Variants in GALNT7 observed in about 807,000 individuals in gnomAD.
GALNT7 encodes the protein N-acetylgalactosaminyltransferase 7.
Under a neutral mutation model 82.1 loss-of-function variants are expected in GALNT7, and 60 were observed. That is an observed-to-expected ratio of 0.73 (90% CI 0.59 to 0.91). The LOEUF is 0.91. Among genes scored for constraint, GALNT7 ranks in the 40% least tolerant of loss-of-function variants. GALNT7 has a pLI of 0.00. For synonymous variants in GALNT7, 243 were observed against 275.1 expected, an observed-to-expected ratio of 0.88 and a Z score of 1.15; for missense variants, 660 against 804.2, an observed-to-expected ratio of 0.82 and a Z score of 2.17.
At chr4:173,265,635 A>G (rs974131498) in intron 2 of GALNT7, among the ~76,000 whole-genome samples, 6 of 55,108 alleles carry the variant, frequency 1.1e-4, no homozygotes, top group Non-Finnish European at 2.2e-4. Flanking sequence ...CTGTCTCTCC[A>G]CCCCCAAGAC....
chr4:173,314,193 C>G lies in GALNT7; in HGVS notation c.1608+17C>G. The G allele has an allele frequency of 6.9e-7, 1 of 1,453,438 alleles. No homozygotes were observed. Among genetic ancestry groups the G allele is most frequent in the South Asian group, 1.1e-5 (1 of 87,866 alleles). The allele number at this position is 1,453,438 out of a possible 1,614,324, so 90.0% of individuals were successfully genotyped here. On this transcript the variant is annotated intron_variant, in intron 9 of 11. Coordinates refer to ENST00000265000, the MANE Select transcript of GALNT7 (RefSeq NM_017423.3). The stretch of plus-strand genomic sequence containing the variant: ...TGGGGAGAAGTAAGTAGTCACATCT[C>G]AAAATGTATGTGTTTGTAGACTGAG...
intron 6 of GALNT7, among the ~76,000 whole-genome samples, chr4:173,298,762 T>C (rs369674813): frequency 6.6e-6 from 1 of 152,338 alleles, no homozygotes; most frequent in East Asian, 1.9e-4. Context: ...TTTCTGGGTT[T>C]TTCTCCCCTT....
intron 1 of GALNT7, among the ~76,000 whole-genome samples, chr4:173,169,984 T>C (rs1024846513): frequency 1.8e-4 from 27 of 152,096 alleles, no homozygotes; most frequent in Admixed American, 1.6e-3. Flanking sequence ...AGCGCTGACA[T>C]TCCTTGGATT....
chr4:173,197,605 C>G (rs905069899), intron 1 of GALNT7, among the ~76,000 whole-genome samples: 2 of 152,060 alleles, frequency 1.3e-5, no homozygotes, highest in Non-Finnish European at 2.9e-5. Context: ...AATTCTAATC[C>G]CTGTTCTTGT....
intron 6 of GALNT7, 119 bp from the exon 7 acceptor site, chr4:173,301,928 C>T: frequency 3.4e-6 from 2 of 588,486 alleles, no homozygotes; most frequent in Non-Finnish European, 3.1e-6. Context: ...TAATGTTTGG[C>T]CATCAGTTTT....
chr4:173,294,230 A>C (rs887862280), intron 3 of GALNT7, among the ~76,000 whole-genome samples: 2 of 152,318 alleles, frequency 1.3e-5, no homozygotes, highest in Middle Eastern at 3.4e-3. Context: ...GGCTTTAAAA[A>C]AATAATTTAG....
chr4:173,207,026 G>T (rs542268609), intron 1 of GALNT7, among the ~76,000 whole-genome samples: 1 of 152,246 alleles, frequency 6.6e-6, no homozygotes, highest in African/African-American at 2.4e-5. Context: ...TAACTGTTGG[G>T]GTTTACCATC....
chr4:173,323,274 T>G lies in GALNT7; in HGVS notation c.*1557T>G, dbSNP rs1737888191. On this transcript the variant is annotated 3_prime_UTR_variant, in exon 12 of 12. Coordinates refer to ENST00000265000, the MANE Select transcript of GALNT7 (RefSeq NM_017423.3). ...TGTTTTTTAATTTAAGAGGGAAATA[T>G]AACCTATAAATTTGTTTCTTCCAAG... 6.6e-6 allele frequency: 1 copy of G among 152,554 alleles called. No individual in the cohort carries two copies. Among genetic ancestry groups the G allele is most frequent in the Non-Finnish European group, 1.5e-5 (1 of 67,970 alleles). The allele number at this position is 152,554 out of a possible 1,614,324, so 9.5% of individuals were successfully genotyped here. A position where few individuals can be genotyped will look rare whatever the true frequency, so the allele number is the denominator to read the frequency against.
chr4:173,322,633 T>G lies in GALNT7; in HGVS notation c.*916T>G, dbSNP rs1258145736. 1 of 152,174 alleles carries G rather than the reference T, an allele frequency of 6.6e-6. No homozygotes were observed. The highest frequency in any genetic ancestry group is 1.5e-5 in the Non-Finnish European group (1 of 68,018). 9.4% of individuals were successfully genotyped at this position (152,174 alleles called of 1,614,324 possible). A position where few individuals can be genotyped will look rare whatever the true frequency, so the allele number is the denominator to read the frequency against. Reference sequence around the variant, plus strand: ...ACAGAAAACTATTATCAGTTGTTATTGTTATCCCTTGAAAGCGAGGGTGAC... The same window carrying G: ...ACAGAAAACTATTATCAGTTGTTATGGTTATCCCTTGAAAGCGAGGGTGAC... On this transcript the variant is annotated 3_prime_UTR_variant, in exon 12 of 12. Coordinates refer to ENST00000265000, the MANE Select transcript of GALNT7 (RefSeq NM_017423.3).
Position 173,232,944 on chromosome 4 carries a change from T to C in GALNT7, c.127-15036T>C, listed in dbSNP as rs193119659. Among the ~76,000 whole-genome samples, 466 of 152,294 alleles carry C rather than the reference T, an allele frequency of 3.1e-3. 1 individual carries two copies. The highest frequency in any genetic ancestry group is 4.7e-3 in the Non-Finnish European group (317 of 68,014). Reference sequence around the variant, plus strand: ...TAGCCATCATTCTACTCTACCTCGGTGAGATCCACTTTTTTAGCTCTCGCG... The same window carrying C: ...TAGCCATCATTCTACTCTACCTCGGCGAGATCCACTTTTTTAGCTCTCGCG... On this transcript the variant is annotated intron_variant, in intron 1 of 11. Transcript: ENST00000265000.
intron 2 of GALNT7, among the ~76,000 whole-genome samples, chr4:173,258,376 CTTA>C: frequency 6.6e-6 from 1 of 152,292 alleles, no homozygotes; most frequent in East Asian, 1.9e-4. Context: ...CCCTAGTGTA[CTTA>C]TTTACACTTG....
intron 1 of GALNT7, among the ~76,000 whole-genome samples, chr4:173,243,075 C>T (rs1049482052): frequency 1.3e-5 from 2 of 152,164 alleles, no homozygotes; most frequent in African/African-American, 4.8e-5. Context: ...GATCATGTGA[C>T]TGCATAAGCT....
chr4:173,252,592 G>T (rs17059255), intron 2 of GALNT7, among the ~76,000 whole-genome samples: 27,998 of 152,126 alleles, frequency 0.18, 6,768 homozygotes, highest in African/African-American at 0.56. Flanking sequence ...TGTTGATTGC[G>T]TGTTAAAAGG....
chr4:173,308,623 GGCC>G (rs1172386316), intron 8 of GALNT7, among the ~76,000 whole-genome samples: 4 of 152,170 alleles, frequency 2.6e-5, no homozygotes, highest in African/African-American at 9.7e-5. Context: ...GAGGAAAATT[GGCC>G]AGGCACAGTG....
chr4:173,304,697 C>T (rs1737079902), intron 8 of GALNT7, among the ~76,000 whole-genome samples: 1 of 151,976 alleles, frequency 6.6e-6, no homozygotes, highest in Non-Finnish European at 1.5e-5. Flanking sequence ...AGCCCACTCC[C>T]CCCAATCCTC....
chr4:173,237,025 T>C (rs540532121), intron 1 of GALNT7, among the ~76,000 whole-genome samples: 1 of 152,334 alleles, frequency 6.6e-6, no homozygotes, highest in East Asian at 1.9e-4. Flanking sequence ...AAAAAGTTTA[T>C]TACATAAATA....
intron 1 of GALNT7, among the ~76,000 whole-genome samples, chr4:173,177,462 TG>T (rs1030265981): frequency 3.3e-5 from 5 of 151,166 alleles, no homozygotes; most frequent in African/African-American, 1.2e-4. Context: ...GCACAGGGAG[TG>T]GGTTGGTAAG....
At chr4:173,249,836 G>T (rs1295995721) in intron 2 of GALNT7, among the ~76,000 whole-genome samples, 1 of 152,166 alleles carries the variant, frequency 6.6e-6, no homozygotes, top group Admixed American at 6.5e-5. Flanking sequence ...CAGCTGCCAT[G>T]TGAGGACCCT....
intron 8 of GALNT7, among the ~76,000 whole-genome samples, chr4:173,306,477 CATT>C (rs1430516951): frequency 6.6e-6 from 1 of 152,160 alleles, no homozygotes; most frequent in Non-Finnish European, 1.5e-5. Context: ...AACTTTTCAT[CATT>C]GAGTATAATG....
Sources: gnomAD v4.1 joint callset for allele counts (sites outside exome capture counted in the v4.1 genomes callset) on GRCh38, gnomAD v4.1.1 for gene constraint, MANE v1.5 for transcripts, NCBI Gene and HGNC (gene_info 2026-07-23, HGNC 2026-07-21) for gene names.